MYOCOS: variants seen among roughly 807,000 people sequenced by gnomAD.
MYOCOS encodes myocilin opposite strand protein.
chr1:171,618,452 C>T (rs929341738), upstream of MYOCOS, among the ~76,000 whole-genome samples: 18 of 152,206 alleles, frequency 1.2e-4, no homozygotes, highest in African/African-American at 4.3e-4. Flanking sequence ...GTGGGGATGA[C>T]AAGGTAATCT....
At chr1:171,605,019 A>G (rs1267688540) in intron 1 of MYOCOS, among the ~76,000 whole-genome samples, 4 of 152,170 alleles carry the variant, frequency 2.6e-5, no homozygotes, top group Non-Finnish European at 4.4e-5. Context: ...GCTCTCCAGA[A>G]CCAGTATTTC....
At chr1:171,602,800 AAAAT>A (rs1220476283) in intron 1 of MYOCOS, among the ~76,000 whole-genome samples, 2 of 152,240 alleles carry the variant, frequency 1.3e-5, no homozygotes, top group East Asian at 3.8e-4. Flanking sequence ...AAACTAATAA[AAAAT>A]AGATGCTAAA....
intron 1 of MYOCOS, among the ~76,000 whole-genome samples, chr1:171,612,410 A>G (rs928187405): frequency 2.0e-5 from 3 of 152,076 alleles, no homozygotes; most frequent in African/African-American, 7.2e-5. Flanking sequence ...GGTGTCACCA[A>G]TCAGGGTTAT....
chr1:171,603,662 G>T (rs548513708), intron 1 of MYOCOS, among the ~76,000 whole-genome samples: 64 of 152,324 alleles, frequency 4.2e-4, no homozygotes, highest in African/African-American at 1.5e-3. Flanking sequence ...CCGCCATGAG[G>T]CTACCTGACC....
intron 1 of MYOCOS, among the ~76,000 whole-genome samples, chr1:171,608,330 C>T (rs951357273): frequency 1.3e-5 from 2 of 151,066 alleles, no homozygotes; most frequent in African/African-American, 2.4e-5. Context: ...CAAAAAAATG[C>T]CTTAGTAAAT....
intron 1 of MYOCOS, among the ~76,000 whole-genome samples, chr1:171,613,284 T>C (rs1652385687): frequency 1.3e-5 from 2 of 152,170 alleles, no homozygotes; most frequent in Non-Finnish European, 2.9e-5. Context: ...ACCCTAGATA[T>C]TCATCTGGTT....
At chr1:171,619,062 A>G (rs1415930461), upstream of MYOCOS, among the ~76,000 whole-genome samples, 1 of 152,092 alleles carries the variant, frequency 6.6e-6, no homozygotes, top group East Asian at 1.9e-4. Flanking sequence ...GTAGTTGGAT[A>G]TTTTTCTATT....
In MYOCOS at chr1:171,602,082, G is replaced by GA. The variant is rs1362700222; in HGVS notation, c.-252+1010dup. Among the ~76,000 whole-genome samples the GA allele has an allele frequency of 5.1e-3, 774 of 150,294 alleles. 7 individuals are homozygous for GA. Among genetic ancestry groups the GA allele is most frequent in the African/African-American group, 0.018 (730 of 40,982 alleles). The stretch of plus-strand genomic sequence containing the variant: ...AATAGTTATCTTCAAAAAATAAAGA[G>GA]AAAAAAAAGGGGGGAGGCAGAATTT... On this transcript the variant is annotated intron_variant, in intron 1 of 3. Coordinates refer to the MYOCOS transcript ENST00000636697.
At chr1:171,611,037 T>C (rs1452527770) in intron 1 of MYOCOS, among the ~76,000 whole-genome samples, 1 of 152,224 alleles carries the variant, frequency 6.6e-6, no homozygotes, top group Non-Finnish European at 1.5e-5. Context: ...GGGCCACTTC[T>C]CTTTCCACAC....
chr1:171,624,683 G>T (rs545498408), intron 2 of MYOCOS, among the ~76,000 whole-genome samples: 1 of 152,176 alleles, frequency 6.6e-6, no homozygotes, highest in East Asian at 1.9e-4. Flanking sequence ...TCCTGACCTT[G>T]TGATCTGCCC....
chr1:171,616,225 A>AAAACAAAC (rs141899130), intron 2 of MYOCOS, among the ~76,000 whole-genome samples: 2 of 150,902 alleles, frequency 1.3e-5, no homozygotes, highest in East Asian at 2.0e-4. Flanking sequence ...CTCAAAACAA[A>AAAACAAAC]AAACAAACAA....
At chr1:171,626,023 G>A (rs1377850626) in intron 2 of MYOCOS, among the ~76,000 whole-genome samples, 1 of 150,636 alleles carries the variant, frequency 6.6e-6, no homozygotes, top group Non-Finnish European at 1.5e-5. Context: ...TTGGAAAGAT[G>A]TCCTCTGAAA....
intron 2 of MYOCOS, among the ~76,000 whole-genome samples, chr1:171,625,703 T>A (rs946690593): frequency 3.9e-5 from 6 of 152,088 alleles, no homozygotes; most frequent in African/African-American, 1.4e-4. Flanking sequence ...AAGGGAGCTG[T>A]GAAGTGAAAC....
rs1374050662 is a variant in MYOCOS at position 171,603,750 on chromosome 1, T to C, written c.-252+2670T>C. On this transcript the variant is annotated intron_variant, in intron 1 of 3. Coordinates refer to the MYOCOS transcript ENST00000636697. ...AGTTTTAACCCAGACTGTAAGGCCCTGGCCAAGGCCAGTGGCCTATCTCTC... is the reference window on the plus strand; with the variant it reads ...AGTTTTAACCCAGACTGTAAGGCCCCGGCCAAGGCCAGTGGCCTATCTCTC... Among the ~76,000 whole-genome samples the C allele has an allele frequency of 3.9e-5, 6 of 152,380 alleles. No individual in the cohort carries two copies. In the East Asian group the frequency reaches 1.2e-3, roughly 29 times the overall value.
At chr1:171,620,129 C>T (rs551021793), upstream of MYOCOS, among the ~76,000 whole-genome samples, 5 of 149,228 alleles carry the variant, frequency 3.4e-5, no homozygotes, top group African/African-American at 1.2e-4. Context: ...CCTATTAGTT[C>T]TGTCTCTCTA....
intron 1 of MYOCOS, among the ~76,000 whole-genome samples, chr1:171,609,451 A>G (rs530590869): frequency 6.6e-6 from 1 of 152,240 alleles, no homozygotes; most frequent in African/African-American, 2.4e-5. Context: ...TGGTGGATGT[A>G]TTCCCCTCCT....
upstream of MYOCOS, among the ~76,000 whole-genome samples, chr1:171,619,712 C>A (rs918259996): frequency 6.6e-6 from 1 of 151,662 alleles, no homozygotes; most frequent in African/African-American, 2.4e-5. Flanking sequence ...TGGCAGGCAC[C>A]TGTGGTCCCA....
At chr1:171,605,131 T>A (rs752529269) in intron 1 of MYOCOS, among the ~76,000 whole-genome samples, 4 of 151,814 alleles carry the variant, frequency 2.6e-5, no homozygotes. Flanking sequence ...AGTCTCTAAA[T>A]GTCACTTCAT....
chr1:171,603,882 C>G (rs1021643054), intron 1 of MYOCOS, among the ~76,000 whole-genome samples: 2 of 152,310 alleles, frequency 1.3e-5, no homozygotes, highest in East Asian at 1.9e-4. Flanking sequence ...TAGACAAAAC[C>G]TAAACATAAA....
Sources: gnomAD v4.1 joint callset for allele counts (sites outside exome capture counted in the v4.1 genomes callset) on GRCh38, gnomAD v4.1.1 for gene constraint, MANE v1.5 for transcripts, NCBI Gene and HGNC (gene_info 2026-07-23, HGNC 2026-07-21) for gene names.